Variants in SAFB observed in about 807,000 individuals in gnomAD.
SAFB encodes scaffold attachment factor B.
In SAFB, 15 loss-of-function variants were observed where a neutral mutation model predicts 101.6. The observed-to-expected ratio is 0.15, with a 90% CI of 0.10 to 0.23. The LOEUF is 0.23. Ranked by LOEUF, SAFB falls within the 10% of genes least tolerant of loss-of-function variation. SAFB has a pLI of 1.00. For missense variants in SAFB, 930 were observed against 1,104.1 expected, an observed-to-expected ratio of 0.84 and a Z score of 2.23; for synonymous variants, 449 against 407.5, an observed-to-expected ratio of 1.10 and a Z score of -1.23.
chr19:5,668,085 C>A, intron 20 of SAFB, 77 bp from the exon 21 acceptor site: 1 of 1,554,254 alleles, frequency 6.4e-7, no homozygotes, highest in South Asian at 1.2e-5. Context: ...AGGCAACACT[C>A]AGGGAAGCTG....
chr19:5,667,804 C>T lies in SAFB; in HGVS notation c.2558-16C>T. 6.2e-7 allele frequency: 1 copy of T among 1,613,888 alleles called. No individual in the cohort carries two copies. Among genetic ancestry groups the T allele is most frequent in the Non-Finnish European group, 8.5e-7 (1 of 1,179,776 alleles). ...TGTGCGCAAGTTCCCTGTGTGAAAG[C>T]ACGTCTGTCTTCCAGGTGGCGAGAG... On this transcript the variant is annotated splice_polypyrimidine_tract_variant and intron_variant, in intron 19 of 20. Transcript: ENST00000588852. The surrounding 1 kb of genome is among the most constrained non-coding windows in gnomAD (Gnocchi z 4.0).
chr19:5,636,226 C>T (rs1000153643), intron 2 of SAFB, among the ~76,000 whole-genome samples: 3 of 151,870 alleles, frequency 2.0e-5, no homozygotes, highest in East Asian at 1.9e-4. Context: ...GAGAGAACAC[C>T]GTATGGAGGG....
At chr19:5,664,490 C>CT in intron 17 of SAFB, 51 bp downstream of exon 17, 1 of 1,422,694 alleles carries the variant, frequency 7.0e-7, no homozygotes, top group Non-Finnish European at 9.9e-7. Flanking sequence ...AGAATGGGTT[C>CT]TTTTCCCTTC....
At chr19:5,653,987 C>T (rs1331693765) in intron 11 of SAFB, 74 bp from the exon 12 acceptor site, 6 of 1,451,282 alleles carry the variant, frequency 4.1e-6, no homozygotes, top group African/African-American at 2.8e-5. Context: ...GTGATCCGCC[C>T]GCCTCATCCC....
At chr19:5,625,622 G>GA (rs1274248503) in intron 1 of SAFB, among the ~76,000 whole-genome samples, 9 of 152,218 alleles carry the variant, frequency 5.9e-5, no homozygotes, top group Admixed American at 5.9e-4. Context: ...AGTTTCTAGG[G>GA]ACGTCATCGT....
intron 8 of SAFB, among the ~76,000 whole-genome samples, chr19:5,650,557 G>A (rs922328326): frequency 9.1e-4 from 139 of 152,178 alleles, no homozygotes; most frequent in African/African-American, 3.3e-3. Flanking sequence ...GATTATAAGC[G>A]CCCGCCACCA....
At chr19:5,651,288 C>T (rs1055827902) in intron 9 of SAFB, among the ~76,000 whole-genome samples, 2 of 152,182 alleles carry the variant, frequency 1.3e-5, no homozygotes, top group African/African-American at 2.4e-5. Flanking sequence ...CCCTTCTCTG[C>T]GAGCTTGCCC....
chr19:5,639,779 G>A (rs1442235127), intron 2 of SAFB, among the ~76,000 whole-genome samples: 1 of 151,866 alleles, frequency 6.6e-6, no homozygotes, highest in African/African-American at 2.4e-5. Flanking sequence ...AATATGTTTT[G>A]TACATATGAT....
At chr19:5,656,354 C>T (rs2145469804) in intron 13 of SAFB, among the ~76,000 whole-genome samples, 1 of 152,242 alleles carries the variant, frequency 6.6e-6, no homozygotes, top group South Asian at 2.1e-4. Flanking sequence ...TCACTGCAAC[C>T]TCCACCTCCC....
chr19:5,659,445 G>C (rs936868370), intron 14 of SAFB, among the ~76,000 whole-genome samples: 2 of 151,224 alleles, frequency 1.3e-5, no homozygotes, highest in African/African-American at 4.9e-5. Flanking sequence ...ACAGTGGCAC[G>C]ATCTCAGCTC....
chr19:5,650,712 G>A (rs1016818158), intron 8 of SAFB, among the ~76,000 whole-genome samples: 1 of 152,064 alleles, frequency 6.6e-6, no homozygotes, highest in African/African-American at 2.4e-5. Flanking sequence ...CACCCGGCCC[G>A]CAATTGCTAA....
intron 13 of SAFB, 22 bp from the exon 14 acceptor site, chr19:5,657,219 T>C (rs753364643): frequency 1.2e-6 from 2 of 1,600,878 alleles, no homozygotes; most frequent in Non-Finnish European, 1.7e-6. Flanking sequence ...CTTTAACTTT[T>C]TAATGTTCTT....
At chr19:5,631,720 C>T (rs555904903) in intron 2 of SAFB, among the ~76,000 whole-genome samples, 3 of 152,142 alleles carry the variant, frequency 2.0e-5, no homozygotes, top group South Asian at 2.1e-4. Context: ...TTCCACATGA[C>T]GTGACTCTCA....
At chr19:5,642,287 G>C (rs1413038144) in intron 4 of SAFB, among the ~76,000 whole-genome samples, 1 of 152,190 alleles carries the variant, frequency 6.6e-6, no homozygotes, top group African/African-American at 2.4e-5. Context: ...GTGTTTTCCT[G>C]TTAAGAAGCA....
intron 2 of SAFB, among the ~76,000 whole-genome samples, chr19:5,634,955 T>TG: frequency 6.6e-6 from 1 of 152,162 alleles, no homozygotes; most frequent in South Asian, 2.1e-4. Context: ...CTGGCCAACA[T>TG]GGAGAAACCT....
chr19:5,653,794 T>C (rs1425337934), intron 11 of SAFB, among the ~76,000 whole-genome samples: 2 of 152,110 alleles, frequency 1.3e-5, no homozygotes, highest in Admixed American at 1.3e-4. Flanking sequence ...AATCTCACTC[T>C]GTTGCCCAGG....
Position 5,667,552 on chromosome 19 carries a change from C to T in SAFB, c.2557+102C>T. 2 of 849,548 alleles carry T rather than the reference C, an allele frequency of 2.4e-6. No homozygotes were observed. The highest frequency in any genetic ancestry group is 1.6e-5 in the South Asian group (1 of 61,656). The allele number at this position is 849,548 out of a possible 1,614,324, so 52.6% of individuals were successfully genotyped here. A position where few individuals can be genotyped will look rare whatever the true frequency, so the allele number is the denominator to read the frequency against. ...GGGGGAGCACAGGAGGTGCTCTGCT[C>T]TCAGTGCTGGAATGAGGAATGAAGA... On this transcript the variant is annotated intron_variant, in intron 19 of 20. Coordinates refer to ENST00000588852, the MANE Select transcript of SAFB (RefSeq NM_001201338.2). The surrounding 1 kb of genome is among the most constrained non-coding windows in gnomAD (Gnocchi z 4.0).
At chr19:5,661,969 C>G (rs2054219203) in intron 15 of SAFB, among the ~76,000 whole-genome samples, 161 bp downstream of exon 15, 1 of 151,570 alleles carries the variant, frequency 6.6e-6, no homozygotes, top group Non-Finnish European at 1.5e-5. Flanking sequence ...ACTGCAAGCT[C>G]TGCCTCCCGG....
At chr19:5,648,075 G>C (rs1324711598) in intron 6 of SAFB, 32 bp downstream of exon 6, 1 of 1,578,824 alleles carries the variant, frequency 6.3e-7, no homozygotes, top group Non-Finnish European at 8.6e-7. Flanking sequence ...ACCAGCGGGG[G>C]TTTGGAACCA....
Sources: allele counts gnomAD v4.1 joint callset (sites outside exome capture counted in the v4.1 genomes callset), GRCh38; gene constraint gnomAD v4.1.1; non-coding constraint Gnocchi (gnomAD v3.1); transcripts MANE v1.5; gene names NCBI Gene and HGNC (gene_info 2026-07-23, HGNC 2026-07-21).